Variants in CHN1 observed in about 807,000 individuals in gnomAD.
The protein encoded by CHN1 is N-chimaerin.
In CHN1, 37 loss-of-function variants were observed where a neutral mutation model predicts 59.5. The ratio of observed to expected loss-of-function variants is 0.62; its 90% CI spans 0.48 to 0.82. The LOEUF (loss-of-function observed/expected upper bound fraction) is 0.82, where lower values mean the gene tolerates loss of function less well. CHN1 is among the 40% of genes least tolerant of loss of function. The probability of loss-of-function intolerance (pLI) is 0.00; values close to 1 mark genes in which losing one functional copy is unlikely to be tolerated. For synonymous variants in CHN1, 206 were observed against 200.4 expected, an observed-to-expected ratio of 1.03 and a Z score of -0.24; for missense variants, 469 against 571.0, an observed-to-expected ratio of 0.82 and a Z score of 1.82.
chr2:174,842,981 T>C (rs1686366154), intron 7 of CHN1, among the ~76,000 whole-genome samples: 1 of 152,184 alleles, frequency 6.6e-6, no homozygotes, highest in African/African-American at 2.4e-5. Flanking sequence ...CTTAAAAAAT[T>C]AAACTCATAT....
chr2:174,941,822 T>C (rs1168307072), intron 3 of CHN1, among the ~76,000 whole-genome samples: 1 of 152,214 alleles, frequency 6.6e-6, no homozygotes, highest in Admixed American at 6.5e-5. Flanking sequence ...TTTTCACCTC[T>C]GCCTTTTGCA....
At chr2:174,927,947 TATATA>T (rs1689225216) in intron 3 of CHN1, among the ~76,000 whole-genome samples, 1 of 152,190 alleles carries the variant, frequency 6.6e-6, no homozygotes, top group African/African-American at 2.4e-5. Context: ...AGAGAATATG[TATATA>T]AAGATTATAC....
chr2:174,810,568 T>C (rs772067530), intron 10 of CHN1, among the ~76,000 whole-genome samples: 1 of 152,204 alleles, frequency 6.6e-6, no homozygotes, highest in African/African-American at 2.4e-5. Flanking sequence ...AGTAAAGAGA[T>C]GCTTCTTCCC....
intron 1 of CHN1, among the ~76,000 whole-genome samples, chr2:174,977,069 T>C (rs1690970345): frequency 6.6e-6 from 1 of 152,176 alleles, no homozygotes; most frequent in Admixed American, 6.5e-5. Flanking sequence ...TTGAGTTTGA[T>C]GAAATTCACC....
At chr2:174,926,324 CCT>C (rs1689162428) in intron 3 of CHN1, among the ~76,000 whole-genome samples, 1 of 151,940 alleles carries the variant, frequency 6.6e-6, no homozygotes, top group Non-Finnish European at 1.5e-5. Flanking sequence ...ACCTCAGGCC[CCT>C]GAGTAGCTGG....
rs1270872730 is a variant in CHN1 at position 174,823,672 on chromosome 2, A to G, written c.712+762T>C. On this transcript the variant is annotated intron_variant, in intron 8 of 12. Transcript: ENST00000409900. ...AGTGAGACTCTGTCTCAGAAAAAAA[A>G]AAAAAGAATTTAAAGTAGTTTGGAT... 3.3e-5 allele frequency among the ~76,000 whole-genome samples: 5 copies of G among 152,230 alleles called. No individual in the cohort carries two copies. In the East Asian group the frequency reaches 9.7e-4, roughly 29 times the overall value.
intron 2 of CHN1, among the ~76,000 whole-genome samples, chr2:174,945,669 GA>G (rs1689806177): frequency 1.3e-5 from 2 of 151,848 alleles, no homozygotes; most frequent in South Asian, 2.1e-4. Context: ...ATCTCTTAGA[GA>G]TTTTTTTTTC....
chr2:174,810,460 G>T (rs75881185), intron 10 of CHN1, among the ~76,000 whole-genome samples: 2,386 of 152,238 alleles, frequency 0.016, 60 homozygotes, highest in African/African-American at 0.054. Flanking sequence ...GCTCTCTGGG[G>T]TCCATAGGAA....
intron 11 of CHN1, 130 bp downstream of exon 11, chr2:174,808,775 G>T: frequency 1.1e-6 from 1 of 936,398 alleles, no homozygotes; most frequent in Non-Finnish European, 1.7e-6. Context: ...ATTCTTGTAA[G>T]TACATTAACC....
At chr2:174,962,498 T>C (rs909510528) in intron 1 of CHN1, among the ~76,000 whole-genome samples, 2 of 151,916 alleles carry the variant, frequency 1.3e-5, no homozygotes, top group South Asian at 4.2e-4. Flanking sequence ...TGTCAGAAAA[T>C]CCGCCCAGAC....
intron 8 of CHN1, chr2:174,821,657 C>A: frequency 2.4e-6 from 1 of 412,016 alleles, no homozygotes; most frequent in Non-Finnish European, 5.0e-6. Context: ...GAGGACACTG[C>A]ATTGTAGGCA....
intron 6 of CHN1, among the ~76,000 whole-genome samples, chr2:174,869,812 C>T (rs1397088204): frequency 6.6e-6 from 1 of 152,070 alleles, no homozygotes; most frequent in Non-Finnish European, 1.5e-5. Context: ...CAGCCCAAAG[C>T]CATTCTAAAG....
intron 6 of CHN1, among the ~76,000 whole-genome samples, chr2:174,853,773 A>G (rs1574091693): frequency 1.3e-5 from 2 of 152,320 alleles, no homozygotes; most frequent in South Asian, 4.1e-4. Context: ...GCCATTAAAA[A>G]ACATCATGTC....
intron 3 of CHN1, among the ~76,000 whole-genome samples, chr2:174,929,910 C>G (rs1689284104): frequency 6.6e-6 from 1 of 152,192 alleles, no homozygotes; most frequent in African/African-American, 2.4e-5. Context: ...TATCTTACTA[C>G]TTGTTTGTGA....
intron 5 of CHN1, among the ~76,000 whole-genome samples, chr2:174,904,789 G>C (rs867917939): frequency 3.5e-4 from 53 of 152,178 alleles, no homozygotes; most frequent in African/African-American, 1.2e-3. Flanking sequence ...GGGAAAAATA[G>C]TATCTACCAC....
At chr2:174,974,842 T>C (rs1690869325) in intron 1 of CHN1, among the ~76,000 whole-genome samples, 1 of 151,932 alleles carries the variant, frequency 6.6e-6, no homozygotes, top group African/African-American at 2.4e-5. Context: ...TCTCAGTATA[T>C]ATGCCTGTAA....
chr2:174,963,823 G>A (rs1369518851), intron 1 of CHN1, among the ~76,000 whole-genome samples: 8 of 152,124 alleles, frequency 5.3e-5, no homozygotes, highest in Non-Finnish European at 1.0e-4. Flanking sequence ...TCATGGAGCC[G>A]ACTCACAAGA....
chr2:174,848,183 G>A (rs547631510), intron 6 of CHN1, among the ~76,000 whole-genome samples: 1 of 152,270 alleles, frequency 6.6e-6, no homozygotes, highest in Non-Finnish European at 1.5e-5. Context: ...CACTTACATA[G>A]AAGAAACCAT....
chr2:174,861,086 G>C (rs1326919546), intron 6 of CHN1, among the ~76,000 whole-genome samples: 1 of 152,002 alleles, frequency 6.6e-6, no homozygotes, highest in Admixed American at 6.6e-5. Context: ...TCAGTGTTAA[G>C]TGGTTAAAAG....
Sources: gnomAD v4.1 joint callset for allele counts (sites outside exome capture counted in the v4.1 genomes callset) on GRCh38, gnomAD v4.1.1 for gene constraint, MANE v1.5 for transcripts, NCBI Gene and HGNC (gene_info 2026-07-23, HGNC 2026-07-21) for gene names.